The following RBM47 variants were observed in gnomAD, a reference collection of about 807,000 sequenced individuals.
RBM47 encodes the protein RNA binding motif protein 47.
Under a neutral mutation model 47.1 loss-of-function variants are expected in RBM47, and 21 were observed. The observed-to-expected ratio is 0.45, with a 90% CI of 0.32 to 0.64. The LOEUF (loss-of-function observed/expected upper bound fraction) is 0.64, where lower values mean the gene tolerates loss of function less well. RBM47 is among the 30% of genes least tolerant of loss of function. The pLI is 0.05. For missense variants in RBM47, 708 were observed against 870.9 expected (o/e 0.81, Z 2.35); for synonymous variants, 375 against 361.7 (o/e 1.04, Z -0.42).
rs115772646 is a variant in RBM47, at chr4:40,590,553, G to A, written c.-240+38843C>T. 8.0e-4 allele frequency among the ~76,000 whole-genome samples: 122 copies of A among 152,252 alleles called. 1 individual carries two copies. The highest frequency in any genetic ancestry group is 2.8e-3 in the African/African-American group (117 of 41,554). On this transcript the variant is annotated intron_variant, in intron 1 of 6. Coordinates refer to ENST00000295971, the MANE Select transcript of RBM47 (RefSeq NM_001098634.2). ...AGCCTTAGACACATTGCCTCACCTGGTGAATGACATTGTGAATAAGAGATC... is the reference window on the plus strand; with the variant it reads ...AGCCTTAGACACATTGCCTCACCTGATGAATGACATTGTGAATAAGAGATC...
intron 2 of RBM47, among the ~76,000 whole-genome samples, chr4:40,470,590 T>C (rs934017479): frequency 6.6e-6 from 1 of 152,184 alleles, no homozygotes; most frequent in Non-Finnish European, 1.5e-5. Flanking sequence ...TTGAAATTAA[T>C]ACATTTATTT....
At chr4:40,427,070 T>A (rs2154208137) in intron 6 of RBM47, 1 of 152,260 alleles carries the variant, frequency 6.6e-6, no homozygotes, top group Middle Eastern at 3.4e-3. Flanking sequence ...ACAGACTGTG[T>A]CAACTTAGAG....
intron 2 of RBM47, among the ~76,000 whole-genome samples, chr4:40,472,603 T>C (rs1360207212): frequency 6.6e-6 from 1 of 151,758 alleles, no homozygotes; most frequent in Non-Finnish European, 1.5e-5. Context: ...TCAAATGCTA[T>C]TGATACATTC....
chr4:40,462,243 T>C (rs1247717456), intron 3 of RBM47, among the ~76,000 whole-genome samples: 1 of 152,228 alleles, frequency 6.6e-6, no homozygotes, highest in African/African-American at 2.4e-5. Flanking sequence ...ACAGCTAGGT[T>C]CTGTCCACAA....
chr4:40,575,784 G>A (rs1402715075), intron 1 of RBM47, among the ~76,000 whole-genome samples: 1 of 152,178 alleles, frequency 6.6e-6, no homozygotes, highest in Non-Finnish European at 1.5e-5. Flanking sequence ...AGAGTACAGT[G>A]ATATTTGGTC....
At chr4:40,481,478 TTATTATTATTTTTA>T (rs1720400945) in intron 2 of RBM47, among the ~76,000 whole-genome samples, 3 of 127,060 alleles carry the variant, frequency 2.4e-5, no homozygotes, top group African/African-American at 8.0e-5. Context: ...ATTATTATTA[TTATTATTATTTTTA>T]TTTTTATTTT....
chr4:40,547,963 T>C (rs1354810491), intron 1 of RBM47, among the ~76,000 whole-genome samples: 1 of 152,256 alleles, frequency 6.6e-6, no homozygotes, highest in Non-Finnish European at 1.5e-5. Flanking sequence ...TTTGTGGTAT[T>C]ACAGTGTGGA....
chr4:40,492,080 G>GAAGAAAAAAAAAAAAAAAAAAAAAA (rs58882274), intron 2 of RBM47: 1 of 141,248 alleles, frequency 7.1e-6, no homozygotes, highest in Non-Finnish European at 1.5e-5. Flanking sequence ...AACCTGAACT[G>GAAGAAAAAAAAAAAAAAAAAAAAAA]AAAAAAGGCT....
At chr4:40,434,558 G>A (rs558199054) in intron 5 of RBM47, among the ~76,000 whole-genome samples, 3 of 152,142 alleles carry the variant, frequency 2.0e-5, no homozygotes, top group Non-Finnish European at 2.9e-5. Flanking sequence ...AAGTAGAAGC[G>A]ACGACTCCCA....
chr4:40,580,687 T>C (rs6853074), intron 1 of RBM47, among the ~76,000 whole-genome samples: 66,900 of 152,074 alleles, frequency 0.44, 15,744 homozygotes, highest in East Asian at 0.7. Flanking sequence ...TAGGCTCAGC[T>C]CTCACACATA....
intron 2 of RBM47, among the ~76,000 whole-genome samples, chr4:40,495,011 T>C: frequency 6.6e-6 from 1 of 152,188 alleles, no homozygotes; most frequent in Non-Finnish European, 1.5e-5. Context: ...CTCACTATGT[T>C]GCCTAGGCTA....
Position 40,426,010 on chromosome 4 carries a change from G to A in RBM47, c.1676C>T (p.Ala559Val), listed in dbSNP as rs1560341385. ...TCCATACATGGCGGCCGCGGCTGCC[G>A]CGTTCTTCTGTAGTGTGGCGATCGT... Reference protein sequence around the residue: ...TATIATLQKNAAAAAAMYGGY... With the variant: ...TATIATLQKNVAAAAAMYGGY... The change falls in exon 7 of 7, where the codon GCG becomes GTG. Residue 559 changes from alanine (A) to valine (V), a missense_variant. Physicochemically the swap from Ala to Val is moderately conservative, Grantham distance 64. Transcript: ENST00000295971. 6.2e-6 allele frequency: 10 copies of A among 1,614,090 alleles called. No homozygotes were observed. The highest frequency in any genetic ancestry group is 1.6e-4 in the Middle Eastern group (1 of 6,080).
intron 2 of RBM47, among the ~76,000 whole-genome samples, chr4:40,488,536 C>T (rs777103854): frequency 2.2e-4 from 33 of 152,108 alleles, no homozygotes; most frequent in Admixed American, 2.2e-3. Context: ...ATCAAATAAG[C>T]AAGGCCGGCA....
intron 1 of RBM47, among the ~76,000 whole-genome samples, chr4:40,574,776 G>A (rs1182590713): frequency 1.3e-5 from 2 of 152,136 alleles, no homozygotes; most frequent in African/African-American, 2.4e-5. Flanking sequence ...CTTGAACCCC[G>A]GAGGCAGAGG....
chr4:40,622,784 A>G (rs1282558160), intron 1 of RBM47, among the ~76,000 whole-genome samples: 1 of 152,224 alleles, frequency 6.6e-6, no homozygotes, highest in African/African-American at 2.4e-5. Context: ...CAGGAGGCTG[A>G]GGCAGGAGAA....
At position 40,423,436 on chromosome 4, in the gene RBM47, T is replaced by G. The variant is rs2154205753; in HGVS notation, c.*2468A>C. The G allele has an allele frequency of 6.6e-6, 1 of 152,036 alleles. No individual in the cohort carries two copies. The highest frequency in any genetic ancestry group is 1.5e-5 in the Non-Finnish European group (1 of 67,984). The allele number at this position is 152,036 out of a possible 1,614,324, so 9.4% of individuals were successfully genotyped here. On this transcript the variant is annotated 3_prime_UTR_variant, in exon 7 of 7. Coordinates refer to ENST00000295971, the MANE Select transcript of RBM47 (RefSeq NM_001098634.2). ...GAACTCTAAAACTTTTTTTTTACAT[T>G]TATATAGTTTGTTCTTAACACTAAA...
chr4:40,434,484 CA>C (rs144533148), intron 5 of RBM47, among the ~76,000 whole-genome samples: 7,410 of 152,210 alleles, frequency 0.049, 211 homozygotes, highest in Non-Finnish European at 0.055. Context: ...GATTATTTAA[CA>C]GTTCTTTTCT....
chr4:40,540,827 CATT>C (rs1728463455), intron 2 of RBM47, among the ~76,000 whole-genome samples: 1 of 150,062 alleles, frequency 6.7e-6, no homozygotes, highest in Admixed American at 6.7e-5. Flanking sequence ...CTTTAAGATT[CATT>C]ATTTACATTT....
At chr4:40,546,578 G>A (rs1729057272) in intron 1 of RBM47, among the ~76,000 whole-genome samples, 1 of 151,984 alleles carries the variant, frequency 6.6e-6, no homozygotes, top group African/African-American at 2.4e-5. Flanking sequence ...AGAAAATACT[G>A]GGCTATGCTA....
Sources: allele counts gnomAD v4.1 joint callset (sites outside exome capture counted in the v4.1 genomes callset), GRCh38; gene constraint gnomAD v4.1.1; transcripts MANE v1.5; gene names NCBI Gene and HGNC (gene_info 2026-07-23, HGNC 2026-07-21).